The following POLA1 variants were observed in gnomAD, a reference collection of about 807,000 sequenced individuals.
POLA1 encodes DNA polymerase alpha 1, catalytic subunit.
In POLA1, 15 loss-of-function variants were observed where a neutral mutation model predicts 124.0. That is an observed-to-expected ratio of 0.12 (90% CI 0.08 to 0.19). The LOEUF (loss-of-function observed/expected upper bound fraction) is 0.19, where lower values mean the gene tolerates loss of function less well. Among genes scored for constraint, POLA1 ranks in the 10% least tolerant of loss-of-function variants. The pLI is 1.00. For missense variants in POLA1, 886 were observed against 1,103.4 expected (o/e 0.80, Z 2.79); for synonymous variants, 408 against 389.4 (o/e 1.05, Z -0.56).
At chrX:24,956,755 C>A (rs989461349) in intron 36 of POLA1, among the ~76,000 whole-genome samples, 5 of 111,892 alleles carry the variant, frequency 4.5e-5, no homozygotes, top group Non-Finnish European at 9.4e-5. Context: ...TTTACCTTTG[C>A]TTAATAAATA....
chrX:24,933,703 A>G (rs1043014481), intron 36 of POLA1, among the ~76,000 whole-genome samples: 2 of 112,280 alleles, frequency 1.8e-5, no homozygotes, highest in African/African-American at 6.5e-5. Flanking sequence ...TTTTGTTTGA[A>G]ACTTGGCAAT....
At chrX:24,972,464 T>C (rs1251284519) in intron 36 of POLA1, among the ~76,000 whole-genome samples, 1 of 111,881 alleles carries the variant, frequency 8.9e-6, no homozygotes, top group Non-Finnish European at 1.9e-5. Context: ...GTTTTAGATG[T>C]ATCAGAAACC....
chrX:24,991,143 G>A (rs2048530334), intron 36 of POLA1, among the ~76,000 whole-genome samples: 1 of 109,216 alleles, frequency 9.2e-6, no homozygotes, highest in Non-Finnish European at 1.9e-5. Context: ...ATACAACAGT[G>A]CTTAATGATC....
intron 36 of POLA1, among the ~76,000 whole-genome samples, chrX:24,969,751 A>G (rs1396372063): frequency 9.0e-6 from 1 of 110,574 alleles, no homozygotes; most frequent in African/African-American, 3.3e-5. Context: ...AGATCATCCC[A>G]TCACCTAGGT....
intron 36 of POLA1, 87 bp from the exon 37 acceptor site, chrX:24,995,718 G>A (rs2048597883): frequency 1.2e-6 from 1 of 822,438 alleles, no homozygotes; most frequent in Non-Finnish European, 1.8e-6. Flanking sequence ...GATACAAATG[G>A]AATCAGCATC....
At chrX:24,705,252 A>G (rs1042303814) in intron 4 of POLA1, among the ~76,000 whole-genome samples, 1 of 111,815 alleles carries the variant, frequency 8.9e-6, no homozygotes, top group Non-Finnish European at 1.9e-5. Context: ...CCCAAATGGA[A>G]ATCTTGCCTG....
chrX:24,990,663 A>G (rs2048524679), intron 36 of POLA1, among the ~76,000 whole-genome samples: 2 of 112,558 alleles, frequency 1.8e-5, no homozygotes, highest in African/African-American at 6.5e-5. Flanking sequence ...ACTTAATTAC[A>G]TGCTTGTTAT....
intron 36 of POLA1, among the ~76,000 whole-genome samples, chrX:24,939,569 T>A (rs2047889241): frequency 9.0e-6 from 1 of 111,720 alleles, no homozygotes; most frequent in African/African-American, 3.2e-5. Flanking sequence ...TGAAATTTCA[T>A]GCACTAAAAG....
At chrX:24,871,244 AC>A (rs1205276361) in intron 34 of POLA1, among the ~76,000 whole-genome samples, 1 of 112,200 alleles carries the variant, frequency 8.9e-6, no homozygotes, top group East Asian at 2.8e-4. Context: ...TATCACTGTC[AC>A]ACCAGTGAGG....
chrX:24,734,700 T>C (rs1306827431), intron 17 of POLA1, among the ~76,000 whole-genome samples: 1 of 111,425 alleles, frequency 9.0e-6, no homozygotes, highest in Non-Finnish European at 1.9e-5. Context: ...CACTGCAGCC[T>C]CCACTCCCTA....
At chrX:24,995,656 C>CG in intron 36 of POLA1, 149 bp from the exon 37 acceptor site, 2 of 483,775 alleles carry the variant, frequency 4.1e-6, no homozygotes, top group Middle Eastern at 5.5e-4. Context: ...GAATGGTCGG[C>CG]GGGGGCTGCA....
At chrX:24,898,860 G>A (rs892080810) in intron 35 of POLA1, among the ~76,000 whole-genome samples, 8 of 111,374 alleles carry the variant, frequency 7.2e-5, no homozygotes, top group Non-Finnish European at 1.5e-4. Context: ...CACTTTTAAT[G>A]ATTCAAAAGA....
intron 26 of POLA1, among the ~76,000 whole-genome samples, chrX:24,803,553 G>A (rs914346618): frequency 7.2e-5 from 8 of 111,067 alleles, no homozygotes; most frequent in African/African-American, 2.6e-4. Context: ...CACATTAAGT[G>A]CATAAAGATG....
At chrX:24,842,803 C>T (rs2046426027) in intron 33 of POLA1, among the ~76,000 whole-genome samples, 1 of 111,371 alleles carries the variant, frequency 9.0e-6, no homozygotes, top group Non-Finnish European at 1.9e-5. Flanking sequence ...GGGTTATGTA[C>T]CAGATTGGAG....
At chrX:24,897,524 CTTAG>C (rs11573462) in intron 35 of POLA1, among the ~76,000 whole-genome samples, 2,483 of 111,664 alleles carry the variant, frequency 0.022, 28 homozygotes, top group Admixed American at 0.048. Context: ...ATGAATGAAT[CTTAG>C]TTAGAGCCCA....
intron 36 of POLA1, among the ~76,000 whole-genome samples, chrX:24,946,268 A>T (rs527295268): frequency 9.0e-6 from 1 of 111,306 alleles, no homozygotes; most frequent in South Asian, 3.9e-4. Flanking sequence ...CCGCAACTTT[A>T]TAATTTTGCA....
At chrX:24,864,488 A>G (rs1445822244) in intron 34 of POLA1, among the ~76,000 whole-genome samples, 9 of 111,743 alleles carry the variant, frequency 8.1e-5, no homozygotes, top group Admixed American at 7.6e-4. Flanking sequence ...ATTATAGCCA[A>G]ACTCTTTATT....
intron 4 of POLA1, among the ~76,000 whole-genome samples, chrX:24,705,800 A>G (rs1214598350): frequency 1.8e-5 from 2 of 110,935 alleles, no homozygotes; most frequent in African/African-American, 3.3e-5. Context: ...GTTTTGCCCA[A>G]CTACTTTGTT....
intron 23 of POLA1, 92 bp downstream of exon 23, chrX:24,743,421 C>A: frequency 2.2e-6 from 1 of 445,466 alleles, no homozygotes; most frequent in Non-Finnish European, 3.8e-6. Context: ...TGAATTATAT[C>A]TTATAGATCA....
Sources: gnomAD v4.1 joint callset for allele counts (sites outside exome capture counted in the v4.1 genomes callset) on GRCh38, gnomAD v4.1.1 for gene constraint, MANE v1.5 for transcripts, NCBI Gene and HGNC (gene_info 2026-07-23, HGNC 2026-07-21) for gene names.